ARMH3: variants seen among roughly 807,000 people sequenced by gnomAD.
ARMH3 encodes armadillo like helical domain containing 3, also known as armadillo-like helical domain-containing protein 3.
In ARMH3, 60 loss-of-function variants were observed where a neutral mutation model predicts 99.1. That is an observed-to-expected ratio of 0.61 (90% CI 0.49 to 0.75). The LOEUF (loss-of-function observed/expected upper bound fraction) is 0.75. Ranked by LOEUF, ARMH3 falls within the 30% of genes least tolerant of loss-of-function variation. ARMH3 has a pLI of 0.00. For synonymous variants in ARMH3, 285 were observed against 292.8 expected, an observed-to-expected ratio of 0.97 and a Z score of 0.27; for missense variants, 679 against 843.1, an observed-to-expected ratio of 0.81 and a Z score of 2.41.
chr10:102,024,833 A>T (rs1264510248), intron 6 of ARMH3, among the ~76,000 whole-genome samples: 2 of 152,086 alleles, frequency 1.3e-5, no homozygotes, highest in East Asian at 3.8e-4. Context: ...AAAAAAAAAA[A>T]AATTACTCAG....
chr10:102,007,969 G>A (rs564926518), intron 13 of ARMH3, among the ~76,000 whole-genome samples: 2 of 151,982 alleles, frequency 1.3e-5, no homozygotes, highest in South Asian at 2.1e-4. Flanking sequence ...CAAAACAGAT[G>A]ACTCTTCTGT....
chr10:101,903,079 C>T (rs549314349), intron 23 of ARMH3, among the ~76,000 whole-genome samples: 5 of 152,316 alleles, frequency 3.3e-5, no homozygotes, highest in East Asian at 3.9e-4. Context: ...TGAAAGGTGA[C>T]GCTACCAAAA....
At chr10:102,024,638 C>T (rs1466502152) in intron 6 of ARMH3, among the ~76,000 whole-genome samples, 1 of 150,782 alleles carries the variant, frequency 6.6e-6, no homozygotes, top group Non-Finnish European at 1.5e-5. Context: ...TGGCGAAACC[C>T]CATCTCTACT....
intron 2 of ARMH3, among the ~76,000 whole-genome samples, chr10:102,035,460 G>A (rs1055773644): frequency 6.6e-6 from 1 of 152,228 alleles, no homozygotes; most frequent in Non-Finnish European, 1.5e-5. Flanking sequence ...CCGAGCCGAA[G>A]CTGGACTGTA....
At chr10:101,896,988 G>A (rs1223545950) in intron 23 of ARMH3, among the ~76,000 whole-genome samples, 1 of 152,184 alleles carries the variant, frequency 6.6e-6, no homozygotes, top group Non-Finnish European at 1.5e-5. Flanking sequence ...TCAACTTTTG[G>A]CTGCTGGAAT....
At chr10:101,898,341 G>C (rs1309180140) in intron 23 of ARMH3, among the ~76,000 whole-genome samples, 1 of 151,316 alleles carries the variant, frequency 6.6e-6, no homozygotes, top group East Asian at 1.9e-4. Flanking sequence ...CTGGGTGACA[G>C]AGCAAGACCC....
In ARMH3 at chr10:101,849,736, C is replaced by T. The variant is rs768401303; in HGVS notation, c.1977+40G>A. 1.4e-5 allele frequency: 22 copies of T among 1,544,670 alleles called. No homozygotes were observed. In the East Asian group the frequency reaches 1.6e-4, roughly 11 times the overall value. On this transcript the variant is annotated intron_variant, in intron 25 of 25. Transcript: ENST00000370033. ...AACTGCAGAACCCAGTGGCTGGGGG[C>T]GGGCCCCTAAGACACAGGCAGAGGC...
intron 23 of ARMH3, among the ~76,000 whole-genome samples, chr10:101,929,360 A>C (rs1367003467): frequency 6.6e-6 from 1 of 152,246 alleles, no homozygotes; most frequent in Non-Finnish European, 1.5e-5. Flanking sequence ...TAACACCTAC[A>C]TGTGAGAAAA....
intron 24 of ARMH3, among the ~76,000 whole-genome samples, chr10:101,868,470 G>A (rs1467833129): frequency 6.6e-6 from 1 of 152,098 alleles, no homozygotes; most frequent in Non-Finnish European, 1.5e-5. Context: ...TTTCCACAAA[G>A]TTAGTTATAC....
chr10:102,004,029 T>C (rs893502434), intron 14 of ARMH3, among the ~76,000 whole-genome samples: 7 of 152,234 alleles, frequency 4.6e-5, no homozygotes, highest in African/African-American at 1.7e-4. Context: ...GCTTTTTTCC[T>C]GCTCATACAC....
At chr10:101,912,207 A>G (rs1290143539) in intron 23 of ARMH3, among the ~76,000 whole-genome samples, 2 of 152,018 alleles carry the variant, frequency 1.3e-5, no homozygotes, top group Non-Finnish European at 1.5e-5. Flanking sequence ...AGTCTGGCCA[A>G]TATGGTGAAA....
intron 22 of ARMH3, among the ~76,000 whole-genome samples, chr10:101,947,192 T>TA (rs769114876): frequency 9.7e-5 from 14 of 144,004 alleles, no homozygotes; most frequent in African/African-American, 2.3e-4. Context: ...GTCTCAAAAA[T>TA]AAAAAAAAAG....
chr10:102,023,387 G>A lies in ARMH3; in HGVS notation c.669+90C>T, dbSNP rs187718699. 3.9e-4 allele frequency: 448 copies of A among 1,162,344 alleles called. 1 individual carries two copies. The African/African-American group carries it at 5.0e-3, about 13-fold the overall frequency. The allele number at this position is 1,162,344 out of a possible 1,614,324, so 72.0% of individuals were successfully genotyped here. A position where few individuals can be genotyped will look rare whatever the true frequency, so the allele number is the denominator to read the frequency against. On this transcript the variant is annotated intron_variant, in intron 8 of 25. Coordinates refer to ENST00000370033, the MANE Select transcript of ARMH3 (RefSeq NM_024541.3). ...AATCAATATACCATTTACCAAGAAC[G>A]TCTTCTACATTAAGCAAAGTCCTTT...
rs368015553 is a variant in ARMH3 at position 102,032,690 on chromosome 10, G to A, written c.306+336C>T. Among the ~76,000 whole-genome samples, 12 of 152,066 alleles carry A rather than the reference G, an allele frequency of 7.9e-5. No homozygotes were observed. In the East Asian group the frequency reaches 1.9e-3, roughly 24 times the overall value. On this transcript the variant is annotated intron_variant, in intron 4 of 25. Coordinates refer to ENST00000370033, the MANE Select transcript of ARMH3 (RefSeq NM_024541.3). ...GCTAGGATTACAGGCGTGAACCACC[G>A]TGCCCAGCAGTCTTCTGATTTTTGA...
chr10:101,849,903 T>A lies in ARMH3; in HGVS notation c.1861-11A>T. Reference sequence around the variant, plus strand: ...CACCACCTCCAGCACCTGGAGGACATCAAGGGCCAGGCAGGGCTTAGGCCA... The same window carrying A: ...CACCACCTCCAGCACCTGGAGGACAACAAGGGCCAGGCAGGGCTTAGGCCA... On this transcript the variant is annotated splice_polypyrimidine_tract_variant and intron_variant, in intron 24 of 25. Transcript: ENST00000370033. The A allele has an allele frequency of 6.2e-7, 1 of 1,612,078 alleles. No homozygotes were observed.
intron 5 of ARMH3, among the ~76,000 whole-genome samples, chr10:102,028,997 C>G (rs541105055): frequency 9.2e-5 from 14 of 152,284 alleles, no homozygotes; most frequent in Admixed American, 8.5e-4. Flanking sequence ...TCAGCCTCCC[C>G]CAACTAGCTG....
chr10:101,998,490 G>A (rs1022067164), intron 15 of ARMH3, among the ~76,000 whole-genome samples: 1 of 152,114 alleles, frequency 6.6e-6, no homozygotes. Context: ...GAGAACACTT[G>A]CAAAACATAA....
chr10:102,010,115 G>C, intron 11 of ARMH3, 92 bp from the exon 12 acceptor site: 1 of 1,226,002 alleles, frequency 8.2e-7, no homozygotes, highest in Admixed American at 1.9e-5. Context: ...AAGAAAACAA[G>C]CTGCTTCCAC....
intron 5 of ARMH3, among the ~76,000 whole-genome samples, chr10:102,029,040 A>G (rs1047420028): frequency 5.9e-5 from 9 of 151,980 alleles, no homozygotes; most frequent in Non-Finnish European, 1.2e-4. Flanking sequence ...ATACGCAGAT[A>G]ATTTTTGTAT....
Sources: allele counts gnomAD v4.1 joint callset (sites outside exome capture counted in the v4.1 genomes callset), GRCh38; gene constraint gnomAD v4.1.1; transcripts MANE v1.5; gene names NCBI Gene and HGNC (gene_info 2026-07-23, HGNC 2026-07-21).